The following CDH23 variants were observed in gnomAD, a reference collection of about 807,000 sequenced individuals.
CDH23 encodes the protein cadherin-23.
CDH23 carries 189 observed loss-of-function variants against 317.1 expected under a neutral mutation model. The ratio of observed to expected loss-of-function variants is 0.60; its 90% CI spans 0.53 to 0.67. The LOEUF is 0.67. CDH23 is among the 30% of genes least tolerant of loss of function. The pLI is 0.00. For synonymous variants in CDH23, 1,839 were observed against 1,876.8 expected, an observed-to-expected ratio of 0.98 and a Z score of 0.52; for missense variants, 4,401 against 4,592.4, an observed-to-expected ratio of 0.96 and a Z score of 1.20.
chr10:71,768,659 A>G (rs1241578052), intron 38 of CDH23, among the ~76,000 whole-genome samples: 1 of 151,198 alleles, frequency 6.6e-6, no homozygotes, highest in Non-Finnish European at 1.5e-5. Flanking sequence ...TTTCATAGTG[A>G]TGGGGTCTCG....
chr10:71,402,989 G>A (rs1847855055), intron 1 of CDH23, among the ~76,000 whole-genome samples: 1 of 152,140 alleles, frequency 6.6e-6, no homozygotes. Context: ...GAGCGTGGTG[G>A]CGGGTGCCTG....
intron 67 of CDH23, 28 bp downstream of exon 67, chr10:71,812,637 A>C (rs371092928): frequency 6.2e-7 from 1 of 1,613,684 alleles, no homozygotes. Context: ...AGGCATCACA[A>C]GGGGCAGGGG....
At chr10:71,626,980 C>T (rs1022291640) in intron 11 of CDH23, among the ~76,000 whole-genome samples, 8 of 152,078 alleles carry the variant, frequency 5.3e-5, no homozygotes, top group African/African-American at 1.2e-4. Flanking sequence ...CGCCCCATGC[C>T]GGAAGCCAGG....
At chr10:71,789,274 C>G (rs1013386420) in intron 45 of CDH23, among the ~76,000 whole-genome samples, 2 of 152,150 alleles carry the variant, frequency 1.3e-5, no homozygotes, top group Admixed American at 6.5e-5. Flanking sequence ...GTCATTGTTC[C>G]CCAGGGTGGT....
At chr10:71,432,194 T>TTG (rs905705910) in intron 1 of CDH23, among the ~76,000 whole-genome samples, 5 of 151,618 alleles carry the variant, frequency 3.3e-5, no homozygotes, top group African/African-American at 1.2e-4. Context: ...CAGAACGCAA[T>TTG]TGTGTGTGTG....
At position 71,566,861 on chromosome 10, in the gene CDH23, C is replaced by A. The variant is rs2132358683; in HGVS notation, c.549C>A (p.Ala183=). ...CCCAATTCTTCGCCATTGACAGCGCCCGCGGTATCGTCACAGTGATCCGGG... is the reference window on the plus strand; with the variant it reads ...CCCAATTCTTCGCCATTGACAGCGCACGCGGTATCGTCACAGTGATCCGGG... ...PPSQFFAIDS[A]RGIVTVIREL... Residue 183 remains alanine, a synonymous_variant, in exon 7 of 70, where the codon GCC becomes GCA. Coordinates refer to ENST00000224721, the MANE Select transcript of CDH23 (RefSeq NM_022124.6). The A allele has an allele frequency of 1.2e-6, 2 of 1,614,018 alleles. No individual in the cohort carries two copies. The highest frequency in any genetic ancestry group is 1.7e-6 in the Non-Finnish European group (2 of 1,179,892).
chr10:71,427,731 T>A (rs971904046), intron 1 of CDH23, among the ~76,000 whole-genome samples: 1 of 150,832 alleles, frequency 6.6e-6, no homozygotes, highest in Admixed American at 6.6e-5. Context: ...TTTTTTTTTT[T>A]AGATGGAGTC....
chr10:71,410,515 T>A (rs186486238), intron 1 of CDH23, among the ~76,000 whole-genome samples: 2 of 152,330 alleles, frequency 1.3e-5, no homozygotes, highest in East Asian at 3.9e-4. Flanking sequence ...AAGAGACTTC[T>A]TAAGGCAACT....
intron 24 of CDH23, 48 bp from the exon 25 acceptor site, chr10:71,704,863 A>C: frequency 7.0e-7 from 1 of 1,425,292 alleles, no homozygotes; most frequent in Non-Finnish European, 9.9e-7. Flanking sequence ...AGAAGCATCC[A>C]TCCCAGTGTC....
At chr10:71,593,412 G>A (rs1460575275) in intron 9 of CDH23, among the ~76,000 whole-genome samples, 1 of 152,196 alleles carries the variant, frequency 6.6e-6, no homozygotes, top group Non-Finnish European at 1.5e-5. Context: ...TCGTGACCTT[G>A]TAGTAGGAAA....
intron 28 of CDH23, among the ~76,000 whole-genome samples, chr10:71,722,433 A>G (rs1430799343): frequency 6.6e-6 from 1 of 152,216 alleles, no homozygotes; most frequent in African/African-American, 2.4e-5. Context: ...TGAATGTTGT[A>G]TGTGTCCTGC....
chr10:71,631,533 G>A (rs1236441033), intron 11 of CDH23, among the ~76,000 whole-genome samples: 1 of 152,200 alleles, frequency 6.6e-6, no homozygotes, highest in African/African-American at 2.4e-5. Context: ...TTTCAGTAGT[G>A]GCAAATTAAC....
At chr10:71,614,210 C>T (rs1375338716) in intron 9 of CDH23, among the ~76,000 whole-genome samples, 1 of 152,244 alleles carries the variant, frequency 6.6e-6, no homozygotes, top group Admixed American at 6.5e-5. Flanking sequence ...CCAGAGATCA[C>T]TTACCAGGCT....
At chr10:71,520,304 A>G (rs893162216) in intron 6 of CDH23, among the ~76,000 whole-genome samples, 2 of 152,244 alleles carry the variant, frequency 1.3e-5, no homozygotes, top group African/African-American at 4.8e-5. Context: ...GCAAGGGAAA[A>G]AAATGAAAGA....
At chr10:71,722,287 A>G (rs1296458495) in intron 28 of CDH23, among the ~76,000 whole-genome samples, 1 of 152,176 alleles carries the variant, frequency 6.6e-6, no homozygotes, top group Non-Finnish European at 1.5e-5. Context: ...CAAAAAAAAT[A>G]ATAATAATCT....
At chr10:71,505,525 G>A (rs1285401838) in intron 3 of CDH23, among the ~76,000 whole-genome samples, 2 of 152,216 alleles carry the variant, frequency 1.3e-5, no homozygotes, top group Non-Finnish European at 2.9e-5. Flanking sequence ...CTTCCCGGCT[G>A]TGCTGTGTTT....
At chr10:71,741,458 T>C (rs549456164) in intron 37 of CDH23, among the ~76,000 whole-genome samples, 2 of 152,286 alleles carry the variant, frequency 1.3e-5, no homozygotes, top group South Asian at 4.1e-4. Flanking sequence ...ATGATGCCAG[T>C]ACCTAACTCA....
chr10:71,424,408 A>C (rs561907901), intron 1 of CDH23, among the ~76,000 whole-genome samples: 2 of 152,328 alleles, frequency 1.3e-5, no homozygotes, highest in South Asian at 2.1e-4. Context: ...CATCTCACAC[A>C]ATTATGTGGG....
At chr10:71,771,421 G>C (rs973170222) in intron 38 of CDH23, among the ~76,000 whole-genome samples, 2 of 152,220 alleles carry the variant, frequency 1.3e-5, no homozygotes. Flanking sequence ...TTGACCTTGG[G>C]CAACATACCC....
Sources: allele counts gnomAD v4.1 joint callset (sites outside exome capture counted in the v4.1 genomes callset), GRCh38; gene constraint gnomAD v4.1.1; transcripts MANE v1.5; gene names NCBI Gene and HGNC (gene_info 2026-07-23, HGNC 2026-07-21).